Variants in TRAF2 observed in about 807,000 individuals in gnomAD.
TRAF2 encodes the protein TNF receptor-associated factor 2.
Under a neutral mutation model 55.6 loss-of-function variants are expected in TRAF2, and 6 were observed. The observed-to-expected ratio is 0.11, with a 90% CI of 0.06 to 0.21. The LOEUF is 0.21. Among genes scored for constraint, TRAF2 ranks in the 10% least tolerant of loss-of-function variants. TRAF2 has a pLI of 1.00. For synonymous variants in TRAF2, 329 were observed against 276.3 expected, an observed-to-expected ratio of 1.19 and a Z score of -1.89; for missense variants, 561 against 684.5, an observed-to-expected ratio of 0.82 and a Z score of 2.01.
At chr9:136,903,993 T>G (rs1849886390) in intron 4 of TRAF2, among the ~76,000 whole-genome samples, 1 of 152,072 alleles carries the variant, frequency 6.6e-6, no homozygotes, top group African/African-American at 2.4e-5. Context: ...AGAAAGATTT[T>G]ATTTTTGACA....
intron 1 of TRAF2, among the ~76,000 whole-genome samples, chr9:136,895,914 C>T (rs1204690204): frequency 2.0e-5 from 3 of 151,936 alleles, no homozygotes; most frequent in Non-Finnish European, 1.5e-5. Context: ...TAAATTGCCA[C>T]CCCAGGTTGC....
At position 136,925,548 on chromosome 9, in the gene TRAF2, T is replaced by C. The variant is rs932377257; in HGVS notation, c.1288-135T>C. 7 of 882,152 alleles carry C rather than the reference T, an allele frequency of 7.9e-6. No homozygotes were observed. The East Asian group carries it at 1.9e-4, about 23-fold the overall frequency. The allele number at this position is 882,152 out of a possible 1,614,324, so 54.6% of individuals were successfully genotyped here. On this transcript the variant is annotated intron_variant, in intron 10 of 10. Transcript: ENST00000247668. ...GAGCAAGGCCGCCCACCACGTGGTC[T>C]CGGCTGGGCCTCAGCCTCTGGCCTG...
At chr9:136,923,273 G>C (rs1850440953) in intron 9 of TRAF2, among the ~76,000 whole-genome samples, 1 of 152,134 alleles carries the variant, frequency 6.6e-6, no homozygotes, top group South Asian at 2.1e-4. Flanking sequence ...ATGTGGCTCT[G>C]CTCATCTTCT....
intron 6 of TRAF2, among the ~76,000 whole-genome samples, chr9:136,910,449 CCTTA>C (rs763184683): frequency 7.9e-5 from 12 of 152,268 alleles, no homozygotes; most frequent in African/African-American, 2.9e-4. Flanking sequence ...TCCCTGGTGT[CCTTA>C]CTTCTTTCAG....
At chr9:136,924,808 C>T (rs571414919) in intron 10 of TRAF2, among the ~76,000 whole-genome samples, 22 of 152,052 alleles carry the variant, frequency 1.4e-4, no homozygotes, top group East Asian at 5.9e-4. Context: ...GGCATGATCT[C>T]GGCTCACTGC....
intron 6 of TRAF2, 141 bp from the exon 7 acceptor site, chr9:136,916,400 G>T: frequency 1.3e-6 from 1 of 766,706 alleles, no homozygotes; most frequent in Non-Finnish European, 2.3e-6. Flanking sequence ...GAAATGGGCT[G>T]TTGGGTTTCA....
At chr9:136,897,826 C>A (rs1849718697) in intron 1 of TRAF2, among the ~76,000 whole-genome samples, 1 of 140,468 alleles carries the variant, frequency 7.1e-6, no homozygotes, top group African/African-American at 2.7e-5. Context: ...GGAGGGGAAC[C>A]CGTGGTAGCT....
At chr9:136,884,315 T>C (rs1371223081), upstream of TRAF2, among the ~76,000 whole-genome samples, 1 of 151,342 alleles carries the variant, frequency 6.6e-6, no homozygotes, top group Non-Finnish European at 1.5e-5. Context: ...TCCTAGCACT[T>C]TGGGAGGCCG....
intron 8 of TRAF2, 145 bp from the exon 9 acceptor site, chr9:136,920,893 C>A: frequency 9.7e-7 from 1 of 1,028,108 alleles, no homozygotes; most frequent in Non-Finnish European, 1.4e-6. Flanking sequence ...GGGTTGGGTT[C>A]TTGTGTGCAG....
intron 2 of TRAF2, 91 bp downstream of exon 2, chr9:136,899,019 C>G (rs184608319): frequency 2.9e-6 from 4 of 1,359,296 alleles, no homozygotes; most frequent in Non-Finnish European, 4.0e-6. Context: ...CCAGCAGAGC[C>G]GGGTCCAGCT....
At chr9:136,905,356 G>T (rs1849921955) in intron 4 of TRAF2, among the ~76,000 whole-genome samples, 1 of 152,218 alleles carries the variant, frequency 6.6e-6, no homozygotes, top group South Asian at 2.1e-4. Flanking sequence ...CTAGGCACAA[G>T]AAGATAAAGA....
rs755165616 is a variant in TRAF2 at position 136,908,024 on chromosome 9, A to C, written c.367-46A>C. ...CCCCGGGTGAAGCTGTGGCTGCCCA[A>C]ATGTCCCACGCGAGTTCTACTGACG... On this transcript the variant is annotated intron_variant, in intron 4 of 10. Transcript: ENST00000247668. 8 of 1,562,678 alleles carry C rather than the reference A, an allele frequency of 5.1e-6. No individual in the cohort carries two copies. In the Admixed American group the frequency reaches 1.4e-4, roughly 28 times the overall value.
intron 4 of TRAF2, among the ~76,000 whole-genome samples, chr9:136,907,105 G>A (rs17244425): frequency 3.2e-3 from 484 of 152,346 alleles, no homozygotes; most frequent in Non-Finnish European, 5.1e-3. Context: ...ATTCTTCCTG[G>A]CCTGGGTGTG....
rs1190238506 is a variant in TRAF2 at position 136,899,679 on chromosome 9, A to G, written c.267+7A>G. ...TATTTTAGAAAGCAGTTCGGTAAGT[A>G]AAATGTCTTGAAGCTAAAAATGTTG... On this transcript the variant is annotated splice_region_variant and intron_variant, in intron 3 of 10. Coordinates refer to ENST00000247668, the MANE Select transcript of TRAF2 (RefSeq NM_021138.4). The G allele has an allele frequency of 1.2e-6, 2 of 1,610,634 alleles. No individual in the cohort carries two copies. Among genetic ancestry groups the G allele is most frequent in the East Asian group, 2.2e-5 (1 of 44,752 alleles).
intron 9 of TRAF2, among the ~76,000 whole-genome samples, chr9:136,922,963 C>A (rs1336695092): frequency 6.8e-6 from 1 of 147,360 alleles, no homozygotes; most frequent in Admixed American, 6.7e-5. Flanking sequence ...TGGGGGCACG[C>A]GGTGGAGGAC....
chr9:136,902,265 G>C (rs1381742153), intron 4 of TRAF2: 12 of 152,402 alleles, frequency 7.9e-5, no homozygotes, highest in Admixed American at 7.8e-4. Context: ...CTGCAAGGGA[G>C]ATGGCTCCCT....
chr9:136,892,962 C>T (rs1013862677), intron 1 of TRAF2, among the ~76,000 whole-genome samples: 5 of 152,174 alleles, frequency 3.3e-5, no homozygotes, highest in African/African-American at 1.2e-4. Context: ...ATAGAACACT[C>T]AGAATGCCTC....
chr9:136,900,189 AG>A (rs1849784537), intron 3 of TRAF2, among the ~76,000 whole-genome samples: 1 of 144,976 alleles, frequency 6.9e-6, no homozygotes, highest in African/African-American at 2.6e-5. Context: ...AAAAGAATAA[AG>A]GGCCGCCAGA....
intron 9 of TRAF2, 29 bp from the exon 10 acceptor site, chr9:136,923,823 C>T (rs757441753): frequency 2.5e-6 from 4 of 1,609,308 alleles, no homozygotes; most frequent in Non-Finnish European, 3.4e-6. Flanking sequence ...TGAGTGTCAG[C>T]TCACCAGGCA....
Sources: allele counts gnomAD v4.1 joint callset (sites outside exome capture counted in the v4.1 genomes callset), GRCh38; gene constraint gnomAD v4.1.1; transcripts MANE v1.5; gene names NCBI Gene and HGNC (gene_info 2026-07-23, HGNC 2026-07-21).